The following MACF1 variants were observed in gnomAD, a reference collection of about 807,000 sequenced individuals.
The protein encoded by MACF1 is microtubule-actin cross-linking factor 1.
In MACF1, 193 loss-of-function variants were observed where a neutral mutation model predicts 854.8. The ratio of observed to expected loss-of-function variants is 0.23; its 90% CI spans 0.20 to 0.25. MACF1 has a LOEUF of 0.25. Ranked by LOEUF, MACF1 falls within the 10% of genes least tolerant of loss-of-function variation. MACF1 has a pLI of 1.00. For missense variants in MACF1, 7,722 were observed against 8,929.1 expected (o/e 0.86, Z 5.45); for synonymous variants, 3,185 against 3,226.7 (o/e 0.99, Z 0.44).
chr1:39,351,538 T>A (rs2148502079), intron 43 of MACF1, among the ~76,000 whole-genome samples: 1 of 151,226 alleles, frequency 6.6e-6, no homozygotes, highest in East Asian at 1.9e-4. Flanking sequence ...AGAAAGAACT[T>A]AGTGAGGAAG....
intron 58 of MACF1, among the ~76,000 whole-genome samples, chr1:39,391,340 G>T (rs1296071082): frequency 6.6e-6 from 1 of 152,070 alleles, no homozygotes; most frequent in Non-Finnish European, 1.5e-5. Context: ...CCAAATTACT[G>T]TGCACTTTGA....
intron 71 of MACF1, among the ~76,000 whole-genome samples, chr1:39,438,956 G>T (rs1414253941): frequency 1.3e-5 from 2 of 150,982 alleles, no homozygotes; most frequent in African/African-American, 4.9e-5. Context: ...GGTGGCACAT[G>T]CCTGTTATCC....
At chr1:39,143,624 C>A (rs1273380216) in intron 2 of MACF1, among the ~76,000 whole-genome samples, 1 of 147,140 alleles carries the variant, frequency 6.8e-6, no homozygotes, top group Non-Finnish European at 1.5e-5. Context: ...GTTAAGTATA[C>A]TTCTTATGCA....
upstream of MACF1, among the ~76,000 whole-genome samples, chr1:39,199,906 T>G (rs769880781): frequency 1.3e-5 from 2 of 152,240 alleles, no homozygotes; most frequent in Non-Finnish European, 2.9e-5. Flanking sequence ...TAATTCTTAT[T>G]CCCTTCAGCA....
intron 58 of MACF1, among the ~76,000 whole-genome samples, chr1:39,408,533 C>T (rs1207338929): frequency 1.3e-5 from 2 of 152,196 alleles, no homozygotes; most frequent in Non-Finnish European, 2.9e-5. Flanking sequence ...CACACGGGAA[C>T]TCGAGTGGCC....
At chr1:39,435,450 A>G (rs1267073590) in intron 69 of MACF1, 108 bp from the exon 70 acceptor site, 2 of 910,726 alleles carry the variant, frequency 2.2e-6, no homozygotes, top group Admixed American at 2.5e-5. Context: ...CTGGTTTTTA[A>G]CAATTTTGTT....
In MACF1 at chr1:39,287,572, T is replaced by C; in HGVS notation, c.1785+10T>C. 14 of 1,614,078 alleles carry C rather than the reference T, an allele frequency of 8.7e-6. No homozygotes were observed. Among genetic ancestry groups the C allele is most frequent in the Non-Finnish European group, 1.2e-5 (14 of 1,179,934 alleles). On this transcript the variant is annotated intron_variant, in intron 15 of 100. Coordinates refer to ENST00000564288, the MANE Select transcript of MACF1 (RefSeq NM_001394062.1). ...GGTAGAAGAGATGCAGGTGGGTGCA[T>C]ATCCAAAAGCTTATGCAGTACACTG...
At chr1:39,389,269 T>A (rs765941209) in intron 58 of MACF1, among the ~76,000 whole-genome samples, 31 of 152,062 alleles carry the variant, frequency 2.0e-4, no homozygotes, top group Non-Finnish European at 3.7e-4. Context: ...TCTAAGAATT[T>A]CCTTTTAGGA....
At chr1:39,432,145 G>A (rs191362383) in intron 66 of MACF1, among the ~76,000 whole-genome samples, 28 of 152,268 alleles carry the variant, frequency 1.8e-4, no homozygotes, top group African/African-American at 5.8e-4. Flanking sequence ...TGACTCATCC[G>A]TCTACTGCCA....
chr1:39,285,031 T>A, intron 11 of MACF1, 52 bp from the exon 12 acceptor site: 1 of 1,598,188 alleles, frequency 6.3e-7, no homozygotes, highest in Non-Finnish European at 8.5e-7. Context: ...AAATCAAAAC[T>A]GGGACAAGAG....
At chr1:39,153,993 G>A (rs958565426) in intron 2 of MACF1, among the ~76,000 whole-genome samples, 4 of 152,156 alleles carry the variant, frequency 2.6e-5, no homozygotes, top group African/African-American at 9.7e-5. Context: ...TGTTTCCTGG[G>A]TTAGCAGCTG....
rs568475818 is a variant in MACF1, at chr1:39,470,789, C to T, written c.21958+1174C>T. 1.8e-3 allele frequency among the ~76,000 whole-genome samples: 275 copies of T among 152,312 alleles called. 1 individual carries two copies. The highest frequency in any genetic ancestry group is 6.8e-3 in the Middle Eastern group (2 of 294). On this transcript the variant is annotated intron_variant, in intron 97 of 100. Coordinates refer to ENST00000564288, the MANE Select transcript of MACF1 (RefSeq NM_001394062.1). ...AAAACAACTTTATTCCTTTCCAAATCTATGAATAAGGTCCTATTTTTCCTG... is the reference window on the plus strand; with the variant it reads ...AAAACAACTTTATTCCTTTCCAAATTTATGAATAAGGTCCTATTTTTCCTG...
intron 58 of MACF1, among the ~76,000 whole-genome samples, chr1:39,399,272 A>G (rs540973282): frequency 1.3e-5 from 2 of 151,600 alleles, no homozygotes; most frequent in African/African-American, 2.4e-5. Flanking sequence ...GTTATTTCCT[A>G]TATAGACCAT....
intron 2 of MACF1, among the ~76,000 whole-genome samples, chr1:39,189,577 A>G (rs1408291768): frequency 6.6e-6 from 1 of 152,120 alleles, no homozygotes; most frequent in Non-Finnish European, 1.5e-5. Context: ...TCTGTTTTTC[A>G]TTCTCTTCCT....
At chr1:39,297,079 A>T (rs1009074581) in intron 20 of MACF1, among the ~76,000 whole-genome samples, 7 of 151,430 alleles carry the variant, frequency 4.6e-5, no homozygotes, top group Non-Finnish European at 7.4e-5. Flanking sequence ...GCCCACCACC[A>T]CGCCCGGCTA....
At chr1:39,175,305 G>T (rs1339736294) in intron 2 of MACF1, among the ~76,000 whole-genome samples, 1 of 152,098 alleles carries the variant, frequency 6.6e-6, no homozygotes, top group African/African-American at 2.4e-5. Flanking sequence ...AACAAAGTTG[G>T]AATACCATAT....
At chr1:39,146,907 G>A (rs1366791034) in intron 2 of MACF1, among the ~76,000 whole-genome samples, 2 of 152,162 alleles carry the variant, frequency 1.3e-5, no homozygotes, top group Non-Finnish European at 2.9e-5. Context: ...TTACCCTGAT[G>A]TGATTAGTAT....
At chr1:39,183,474 A>G (rs1045367704) in intron 2 of MACF1, among the ~76,000 whole-genome samples, 1 of 152,084 alleles carries the variant, frequency 6.6e-6, no homozygotes, top group Admixed American at 6.5e-5. Flanking sequence ...TGTCTTGAAT[A>G]TTTTGCTTCA....
intron 15 of MACF1, among the ~76,000 whole-genome samples, chr1:39,289,106 G>GT (rs1336138827): frequency 6.6e-6 from 1 of 152,188 alleles, no homozygotes; most frequent in African/African-American, 2.4e-5. Flanking sequence ...ACTCCATTGT[G>GT]TTTAAGTACC....
Sources: allele counts gnomAD v4.1 joint callset (sites outside exome capture counted in the v4.1 genomes callset), GRCh38; gene constraint gnomAD v4.1.1; transcripts MANE v1.5; gene names NCBI Gene and HGNC (gene_info 2026-07-23, HGNC 2026-07-21).